PGLYRP2: variants seen among roughly 807,000 people sequenced by gnomAD.
PGLYRP2 encodes N-acetylmuramoyl-L-alanine amidase.
A neutral mutation model predicts 46.2 loss-of-function variants in PGLYRP2; 38 were observed. The ratio of observed to expected loss-of-function variants is 0.82; its 90% CI spans 0.64 to 1.08. PGLYRP2 has a LOEUF of 1.08. Ranked by LOEUF, PGLYRP2 falls within the 50% of genes least tolerant of loss-of-function variation. PGLYRP2 has a pLI of 0.00. For synonymous variants in PGLYRP2, 289 were observed against 329.4 expected, an observed-to-expected ratio of 0.88 and a Z score of 1.33; for missense variants, 713 against 755.9, an observed-to-expected ratio of 0.94 and a Z score of 0.67.
At chr19:15,472,431 A>G (rs1970759206) in intron 2 of PGLYRP2, among the ~76,000 whole-genome samples, 1 of 152,098 alleles carries the variant, frequency 6.6e-6, no homozygotes, top group Non-Finnish European at 1.5e-5. Context: ...CTCTACTAAA[A>G]ATACAAAAAT....
intron 1 of PGLYRP2, among the ~76,000 whole-genome samples, chr19:15,477,392 CAA>C (rs34640786): frequency 0.013 from 1,065 of 80,428 alleles, 10 homozygotes; most frequent in African/African-American, 0.04. Context: ...GACTTTGTCT[CAA>C]AAAAAAAAAA....
In PGLYRP2 at chr19:15,469,467, C is replaced by A. The variant is rs751473397; in HGVS notation, c.1641+165G>T. On this transcript the variant is annotated intron_variant, in intron 4 of 4. Coordinates refer to ENST00000340880, the MANE Select transcript of PGLYRP2 (RefSeq NM_052890.4). The surrounding 1 kb of genome is among the most constrained non-coding windows in gnomAD (Gnocchi z 4.9). ...CAGGGATGTTGCCCGCAGAGTGACC[C>A]GCAAAGGCTGGGCCTAGGTTTCCTG... is the stretch of plus-strand genomic sequence containing the variant. 1.7e-5 allele frequency: 17 copies of A among 992,002 alleles called. No homozygotes were observed. Among genetic ancestry groups the A allele is most frequent in the Non-Finnish European group, 2.5e-5 (16 of 648,826 alleles). The allele number at this position is 992,002 out of a possible 1,614,324, so 61.4% of individuals were successfully genotyped here.
rs1221322370 is a variant in PGLYRP2, at chr19:15,475,609, T to C, written c.1061A>G (p.Gln354Arg). ...QRLEPVHLQL[Q>R]CMSQEQLAQV... ...GGCCAGCTGTTCTTGGCTCATGCAC[T>C]GAAGCTGGAGGTGTACTGGCTCCAG... is the stretch of plus-strand genomic sequence containing the variant. The change falls in exon 2 of 5, where the codon CAG becomes CGG. Residue 354 changes from glutamine (Q) to arginine (R), a missense_variant. Gln to Arg is a conservative substitution (Grantham distance 43). Transcript: ENST00000340880. 1.2e-6 allele frequency: 2 copies of C among 1,613,990 alleles called. No individual in the cohort carries two copies. The highest frequency in any genetic ancestry group is 1.3e-5 in the African/African-American group (1 of 74,934).
At chr19:15,477,090 G>T (rs1454574955) in intron 1 of PGLYRP2, among the ~76,000 whole-genome samples, 1 of 151,914 alleles carries the variant, frequency 6.6e-6, no homozygotes, top group African/African-American at 2.4e-5. Context: ...TAGAGGGAAA[G>T]GTATTTTGAA....
At chr19:15,471,176 G>C (rs1178035318) in intron 3 of PGLYRP2, among the ~76,000 whole-genome samples, 7 of 139,834 alleles carry the variant, frequency 5.0e-5, no homozygotes, top group Admixed American at 4.7e-4. Flanking sequence ...GCAATGGCGC[G>C]ATCTCGGCTC....
In PGLYRP2 at chr19:15,469,959, T is replaced by C. The variant is rs1468999656; in HGVS notation, c.1344-30A>G. ...AGAGGGGAGGGAGAAGCAAGCACCA[T>C]GCGGCGTGAGGGGGACCCGGGCCCT... On this transcript the variant is annotated intron_variant, in intron 3 of 4. Transcript: ENST00000340880. This position sits in a 1 kb window ranked among gnomAD's most constrained non-coding sequence, Gnocchi z 4.9. 7.2e-7 allele frequency: 1 copy of C among 1,390,758 alleles called. No individual in the cohort carries two copies. Among genetic ancestry groups the C allele is most frequent in the Non-Finnish European group, 9.3e-7 (1 of 1,075,558 alleles). 86.2% of individuals were successfully genotyped at this position (1,390,758 alleles called of 1,614,324 possible).
chr19:15,476,045 T>C lies in PGLYRP2; in HGVS notation c.625A>G (p.Lys209Glu), dbSNP rs747893560. The C allele has an allele frequency of 6.2e-7, 1 of 1,614,158 alleles. No homozygotes were observed. Among genetic ancestry groups the C allele is most frequent in the Non-Finnish European group, 8.5e-7 (1 of 1,180,032 alleles). The change falls in exon 2 of 5, where the codon AAG becomes GAG. Residue 209 changes from lysine (K) to glutamate (E), a missense_variant. Lys to Glu is a moderately conservative substitution (Grantham distance 56, BLOSUM62 1). Transcript: ENST00000340880. ...CTGTCCACCATGGTCGGTGGGGACT[T>C]GGCTTTGGCATCTGGCAAGGAAGCT... ...VQASLPDAKA[K>E]SPPTMVDSLL... is the part of the protein sequence containing the mutation.
chr19:15,474,757 G>C (rs1011261165), intron 2 of PGLYRP2, among the ~76,000 whole-genome samples: 11 of 152,152 alleles, frequency 7.2e-5, no homozygotes, highest in African/African-American at 2.7e-4. Flanking sequence ...GGGAGGCCAA[G>C]GTGGGTGGAT....
rs1354478281 is a variant in PGLYRP2, at chr19:15,469,159, G to T, written c.1642-407C>A. 5.3e-6 allele frequency: 3 copies of T among 570,122 alleles called. No homozygotes were observed. Among genetic ancestry groups the T allele is most frequent in the Non-Finnish European group, 9.4e-6 (3 of 320,560 alleles). The allele number at this position is 570,122 out of a possible 1,614,324, so 35.3% of individuals were successfully genotyped here. A position where few individuals can be genotyped will look rare whatever the true frequency, so the allele number is the denominator to read the frequency against. ...CTGGACAGAGGTTGTGAAGGCAAAA[G>T]GTCACAGCCTAGGTTCATGTTGTGT... is the stretch of plus-strand genomic sequence containing the variant. On this transcript the variant is annotated intron_variant, in intron 4 of 4. Coordinates refer to ENST00000340880, the MANE Select transcript of PGLYRP2 (RefSeq NM_052890.4). The surrounding 1 kb of genome is among the most constrained non-coding windows in gnomAD (Gnocchi z 4.9).
At chr19:15,471,827 C>T in intron 3 of PGLYRP2, 63 bp downstream of exon 3, 1 of 1,543,610 alleles carries the variant, frequency 6.5e-7, no homozygotes, top group Non-Finnish European at 8.8e-7. Flanking sequence ...CATCAGGCTC[C>T]GCCCACTCAG....
intron 1 of PGLYRP2, among the ~76,000 whole-genome samples, chr19:15,478,630 G>GT (rs1165681147): frequency 0.063 from 8,049 of 128,178 alleles, 308 homozygotes; most frequent in African/African-American, 0.11. Flanking sequence ...ATTTGCCTTT[G>GT]TTTTTTTTTT....
chr19:15,470,379 C>T (rs1283563339), intron 3 of PGLYRP2, among the ~76,000 whole-genome samples: 1 of 151,906 alleles, frequency 6.6e-6, no homozygotes, highest in African/African-American at 2.4e-5. Flanking sequence ...TCACTGCCAC[C>T]TCCACCTCCC....
chr19:15,477,562 G>A (rs6512036), intron 1 of PGLYRP2, among the ~76,000 whole-genome samples: 2 of 151,178 alleles, frequency 1.3e-5, no homozygotes, highest in Non-Finnish European at 2.9e-5. Context: ...GCTGGGCATG[G>A]TGGCACACAC....
chr19:15,471,962 C>T lies in PGLYRP2; in HGVS notation c.1271G>A (p.Arg424His). ...CATGGAGCGCATGTTGGCTGCGCAGCGCGTGAAGTCCGTGCAGGGTGGTGC... is the reference window on the plus strand; with the variant it reads ...CATGGAGCGCATGTTGGCTGCGCAGTGCGTGAAGTCCGTGCAGGGTGGTGC... ...VPAPPCTDFTRCAANMRSMQR... is the reference protein window; with the variant it reads ...VPAPPCTDFTHCAANMRSMQR... Residue 424 changes from arginine to histidine, a missense_variant, in exon 3 of 5, where the codon CGC becomes CAC. Physicochemically the swap from Arg to His is conservative, Grantham distance 29. Transcript: ENST00000340880. 1 of 1,614,072 alleles carries T rather than the reference C, an allele frequency of 6.2e-7. No homozygotes were observed. Among genetic ancestry groups the T allele is most frequent in the Non-Finnish European group, 8.5e-7 (1 of 1,179,968 alleles).
chr19:15,476,656 C>T (rs762268535), intron 1 of PGLYRP2, 48 bp from the exon 2 acceptor site: 11 of 1,444,288 alleles, frequency 7.6e-6, no homozygotes, highest in Admixed American at 2.3e-5. Flanking sequence ...ATTCCTGAGC[C>T]TCCTTGTATT....
In PGLYRP2 at chr19:15,468,735, A is replaced by G. The variant is rs1472466916; in HGVS notation, c.1659T>C (p.Pro553=). 6.2e-7 allele frequency: 1 copy of G among 1,612,058 alleles called. No homozygotes were observed. The highest frequency in any genetic ancestry group is 8.5e-7 in the Non-Finnish European group (1 of 1,178,932). Residue 553 remains proline, a synonymous_variant, in exon 5 of 5, where the codon CCT becomes CCC. Coordinates refer to ENST00000340880, the MANE Select transcript of PGLYRP2 (RefSeq NM_052890.4). ...TGGATCTCTTAGAGACACTCCTGGC[A>G]GGTCTTGGCTTAACAGTCTGGAAAA... ...PHFTATVKPR[P]ARSVSKRSRR... is the part of the protein sequence containing the mutation.
chr19:15,472,824 A>G (rs1970762233), intron 2 of PGLYRP2, among the ~76,000 whole-genome samples: 1 of 152,140 alleles, frequency 6.6e-6, no homozygotes, highest in African/African-American at 2.4e-5. Context: ...ACAGAATTAG[A>G]CAAAACTATC....
chr19:15,470,241 TTTCCTTCC>T lies in PGLYRP2; in HGVS notation c.1344-320_1344-313del, dbSNP rs71176417. On this transcript the variant is annotated intron_variant, in intron 3 of 4. Transcript: ENST00000340880. ...CTTTTCTGTTTTTGGGTTTTTTTTC[TTTCCTTCC>T]TTCCTTCCTTCCTTCCTTCCTTCCT... Among the ~76,000 whole-genome samples the T allele has an allele frequency of 1.3e-3, 129 of 100,020 alleles. No homozygotes were observed. In the East Asian group the frequency reaches 0.014, roughly 11 times the overall value. 65.6% of individuals were successfully genotyped at this position (100,020 alleles called of 152,430 possible). A position where few individuals can be genotyped will look rare whatever the true frequency, so the allele number is the denominator to read the frequency against.
At chr19:15,478,017 G>A (rs937557725) in intron 1 of PGLYRP2, among the ~76,000 whole-genome samples, 1 of 152,184 alleles carries the variant, frequency 6.6e-6, no homozygotes, top group Non-Finnish European at 1.5e-5. Flanking sequence ...CATTGGTGCT[G>A]CTATAACAGA....
Sources: allele counts gnomAD v4.1 joint callset (sites outside exome capture counted in the v4.1 genomes callset), GRCh38; gene constraint gnomAD v4.1.1; non-coding constraint Gnocchi (gnomAD v3.1); transcripts MANE v1.5; gene names NCBI Gene and HGNC (gene_info 2026-07-23, HGNC 2026-07-21).